The following FGF14 variants were observed in gnomAD, a reference collection of about 807,000 sequenced individuals.
FGF14 encodes the protein fibroblast growth factor homologous factor 4.
Under a neutral mutation model 25.5 loss-of-function variants are expected in FGF14, and 5 were observed. The ratio of observed to expected loss-of-function variants is 0.20; its 90% CI spans 0.10 to 0.41. The LOEUF is 0.41. Among genes scored for constraint, FGF14 ranks in the 10% least tolerant of loss-of-function variants. FGF14 has a pLI of 1.00. For synonymous variants in FGF14, 138 were observed against 118.3 expected (o/e 1.17, Z -1.08); for missense variants, 222 against 320.1 (o/e 0.69, Z 2.34).
At chr13:101,813,378 G>C (rs1354521474) in intron 3 of FGF14, among the ~76,000 whole-genome samples, 1 of 152,148 alleles carries the variant, frequency 6.6e-6, no homozygotes, top group Non-Finnish European at 1.5e-5. Flanking sequence ...TCTAGTAAAA[G>C]GGCTTGAGCG....
At chr13:102,283,537 A>T (rs1469574814) in intron 1 of FGF14, among the ~76,000 whole-genome samples, 1 of 152,226 alleles carries the variant, frequency 6.6e-6, no homozygotes, top group East Asian at 1.9e-4. Flanking sequence ...ATTGAAAAAC[A>T]GTCCTTTGCC....
chr13:102,145,664 T>C (rs991016014), intron 1 of FGF14, among the ~76,000 whole-genome samples: 3 of 152,156 alleles, frequency 2.0e-5, no homozygotes, highest in Non-Finnish European at 4.4e-5. Flanking sequence ...TTATGCTGCA[T>C]AGCAATAGCA....
At chr13:102,355,717 T>C (rs1470454889) in intron 1 of FGF14, among the ~76,000 whole-genome samples, 1 of 151,746 alleles carries the variant, frequency 6.6e-6, no homozygotes, top group Non-Finnish European at 1.5e-5. Flanking sequence ...AACAGTATAG[T>C]CTCCACCGTA....
intron 1 of FGF14, among the ~76,000 whole-genome samples, chr13:102,005,610 C>T (rs542475753): frequency 7.8e-4 from 119 of 152,094 alleles, no homozygotes; most frequent in African/African-American, 2.6e-3. Context: ...CAAAGTCATC[C>T]GAAAAAGGAC....
chr13:102,341,972 G>C (rs2056965378), intron 1 of FGF14, among the ~76,000 whole-genome samples: 1 of 152,086 alleles, frequency 6.6e-6, no homozygotes, highest in Non-Finnish European at 1.5e-5. Flanking sequence ...AGCCTCCTAA[G>C]CTACAGGGAA....
chr13:102,145,377 G>C (rs1045996535), intron 1 of FGF14, among the ~76,000 whole-genome samples: 3 of 152,106 alleles, frequency 2.0e-5, no homozygotes, highest in Non-Finnish European at 4.4e-5. Flanking sequence ...TGCACCCATA[G>C]GGCTGAAGCC....
intron 3 of FGF14, among the ~76,000 whole-genome samples, chr13:101,761,177 A>C (rs2038002637): frequency 6.6e-6 from 1 of 152,228 alleles, no homozygotes; most frequent in Non-Finnish European, 1.5e-5. Flanking sequence ...GATTCTATGT[A>C]GTTTACATGT....
rs370295037 is a variant in FGF14 at position 102,294,427 on chromosome 13, C to A, written c.208+107044G>T. Among the ~76,000 whole-genome samples, 874 of 148,824 alleles carry A rather than the reference C, an allele frequency of 5.9e-3. 10 individuals carry two copies. Among genetic ancestry groups the A allele is most frequent in the African/African-American group, 0.02 (816 of 40,414 alleles). On this transcript the variant is annotated intron_variant, in intron 1 of 4. Coordinates refer to the FGF14 transcript ENST00000376131. Reference sequence around the variant, plus strand: ...GACTGTTTGGTCCAAAAAAAAAAAACAAACACATCCTGAATGATTAGGAAA... The same window carrying A: ...GACTGTTTGGTCCAAAAAAAAAAAAAAAACACATCCTGAATGATTAGGAAA...
chr13:101,901,939 A>G (rs188203127), intron 1 of FGF14, among the ~76,000 whole-genome samples: 106 of 152,286 alleles, frequency 7.0e-4, no homozygotes, highest in African/African-American at 2.2e-3. Context: ...CAAAAATGCA[A>G]TTCATTTTGA....
At chr13:101,775,057 C>A (rs2039016189) in intron 3 of FGF14, among the ~76,000 whole-genome samples, 2 of 150,096 alleles carry the variant, frequency 1.3e-5, no homozygotes, top group African/African-American at 2.5e-5. Context: ...GCTTAAGAAA[C>A]AATTTATATG....
chr13:101,879,238 G>A (rs774997732), intron 1 of FGF14, among the ~76,000 whole-genome samples: 1 of 151,900 alleles, frequency 6.6e-6, no homozygotes, highest in Non-Finnish European at 1.5e-5. Context: ...TCTATTTAGT[G>A]TGCCTGATAA....
intron 3 of FGF14, among the ~76,000 whole-genome samples, chr13:101,838,794 C>A (rs971234900): frequency 1.3e-5 from 2 of 151,994 alleles, no homozygotes; most frequent in Non-Finnish European, 2.9e-5. Flanking sequence ...AATTAAAACT[C>A]CTAAATAATG....
intron 1 of FGF14, among the ~76,000 whole-genome samples, chr13:102,140,778 G>A (rs749821513): frequency 6.6e-6 from 1 of 152,148 alleles, no homozygotes; most frequent in Non-Finnish European, 1.5e-5. Flanking sequence ...ACTGGGTTAT[G>A]AGAAAATTCA....
At position 101,717,594 on chromosome 13, in the gene FGF14, G is replaced by A. The variant is rs903281828; in HGVS notation, c.*5237C>T. 6.6e-6 allele frequency: 1 copy of A among 152,152 alleles called. No individual in the cohort carries two copies. Among genetic ancestry groups the A allele is most frequent in the Middle Eastern group, 3.4e-3 (1 of 294 alleles). 9.4% of individuals were successfully genotyped at this position (152,152 alleles called of 1,614,324 possible). ...AATGACCTTTGGATTTCTCTATCAC[G>A]GCGCTTATCCTCCTATTAAGGATCA... On this transcript the variant is annotated 3_prime_UTR_variant, in exon 5 of 5. Coordinates refer to ENST00000376143, the MANE Select transcript of FGF14 (RefSeq NM_004115.4).
chr13:102,357,967 G>C (rs544385558), intron 1 of FGF14, among the ~76,000 whole-genome samples: 1 of 152,268 alleles, frequency 6.6e-6, no homozygotes, highest in Admixed American at 6.5e-5. Flanking sequence ...AGAGATATCA[G>C]AAGGGAAAGA....
intron 1 of FGF14, among the ~76,000 whole-genome samples, chr13:102,124,952 T>C (rs1184038456): frequency 6.6e-6 from 1 of 152,182 alleles, no homozygotes; most frequent in African/African-American, 2.4e-5. Context: ...TACTCTAGTA[T>C]TCAGAACATA....
chr13:101,765,470 C>T (rs2038319489), intron 3 of FGF14, among the ~76,000 whole-genome samples: 1 of 152,130 alleles, frequency 6.6e-6, no homozygotes, highest in Non-Finnish European at 1.5e-5. Context: ...TGCTGTCTCT[C>T]ACAAATTGTG....
chr13:102,325,711 T>G (rs2056403012), intron 1 of FGF14, among the ~76,000 whole-genome samples: 1 of 152,176 alleles, frequency 6.6e-6, no homozygotes, highest in Admixed American at 6.5e-5. Flanking sequence ...ACTACCATCC[T>G]CGGTCACACT....
chr13:102,186,115 T>A lies in FGF14; in HGVS notation c.208+215356A>T, dbSNP rs375153311. Among the ~76,000 whole-genome samples the A allele has an allele frequency of 1.1e-4, 17 of 152,110 alleles. 1 individual carries two copies. Among genetic ancestry groups the A allele is most frequent in the South Asian group, 2.1e-4 (1 of 4,824 alleles). ...GTGATTTTTTTCCAGGTTAAAAAAA[T>A]ATATATATATGATTCAATAACTAAA... On this transcript the variant is annotated intron_variant, in intron 1 of 4. Coordinates refer to the FGF14 transcript ENST00000376131.
Sources: gnomAD v4.1 joint callset for allele counts (sites outside exome capture counted in the v4.1 genomes callset) on GRCh38, gnomAD v4.1.1 for gene constraint, MANE v1.5 for transcripts, NCBI Gene and HGNC (gene_info 2026-07-23, HGNC 2026-07-21) for gene names.